The following FRMD3 variants were observed in gnomAD, a reference collection of about 807,000 sequenced individuals.
FRMD3 encodes FERM domain-containing protein 3.
FRMD3 carries 33 observed loss-of-function variants against 70.2 expected under a neutral mutation model. The ratio of observed to expected loss-of-function variants is 0.47; its 90% CI spans 0.36 to 0.63. The LOEUF (loss-of-function observed/expected upper bound fraction) is 0.63, where lower values mean the gene tolerates loss of function less well. Ranked by LOEUF, FRMD3 falls within the 20% of genes least tolerant of loss-of-function variation. The probability of loss-of-function intolerance (pLI) is 0.00; values close to 1 mark genes in which losing one functional copy is unlikely to be tolerated. For synonymous variants in FRMD3, 279 were observed against 255.9 expected (o/e 1.09, Z -0.86); for missense variants, 632 against 711.4 (o/e 0.89, Z 1.27).
At chr9:83,477,285 G>T (rs1342232470) in intron 1 of FRMD3, among the ~76,000 whole-genome samples, 1 of 152,182 alleles carries the variant, frequency 6.6e-6, no homozygotes, top group Non-Finnish European at 1.5e-5. Flanking sequence ...AGAGATGCAA[G>T]AAATGATTCG....
chr9:83,292,772 C>T (rs1045912819), intron 12 of FRMD3, among the ~76,000 whole-genome samples: 1 of 152,122 alleles, frequency 6.6e-6, no homozygotes, highest in African/African-American at 2.4e-5. Context: ...CTCAGCCTCC[C>T]GAGTAGCTGG....
Position 83,299,205 on chromosome 9 carries a change from C to T in FRMD3, c.927-19G>A, listed in dbSNP as rs761305213. Reference sequence around the variant, plus strand: ...TGCATACCTTTAAGAAAAAGCAAAGCACAGGTGGTTAGGACATTGGAAAGT... The same window carrying T: ...TGCATACCTTTAAGAAAAAGCAAAGTACAGGTGGTTAGGACATTGGAAAGT... On this transcript the variant is annotated intron_variant, in intron 10 of 13. Transcript: ENST00000304195. 1 of 1,573,098 alleles carries T rather than the reference C, an allele frequency of 6.4e-7. No individual in the cohort carries two copies. Among genetic ancestry groups the T allele is most frequent in the Admixed American group, 1.7e-5 (1 of 58,598 alleles).
At chr9:83,520,970 C>CA (rs144061788) in intron 1 of FRMD3, among the ~76,000 whole-genome samples, 15,103 of 56,308 alleles carry the variant, frequency 0.27, 1,539 homozygotes, top group African/African-American at 0.36. Flanking sequence ...ACTAAAAATA[C>CA]AAAAAAAAAA....
intron 1 of FRMD3, among the ~76,000 whole-genome samples, chr9:83,489,902 C>T (rs114392150): frequency 2.6e-5 from 4 of 152,256 alleles, no homozygotes; most frequent in East Asian, 1.9e-4. Context: ...TGTTCAGCCT[C>T]GAAGGTCACA....
intron 1 of FRMD3, among the ~76,000 whole-genome samples, chr9:83,411,370 T>G (rs1826273448): frequency 6.6e-6 from 1 of 152,162 alleles, no homozygotes; most frequent in South Asian, 2.1e-4. Context: ...GGAGAGACAA[T>G]AGCTAGAGAG....
chr9:83,570,153 T>C, the FRMD3 span, among the ~76,000 whole-genome samples: 3 of 152,208 alleles, frequency 2.0e-5, no homozygotes, highest in African/African-American at 7.2e-5. Context: ...GTATCTACTG[T>C]ATGTCAGGCA....
chr9:83,288,498 A>G (rs1489371635), intron 13 of FRMD3, among the ~76,000 whole-genome samples: 1 of 152,274 alleles, frequency 6.6e-6, no homozygotes, highest in African/African-American at 2.4e-5. Flanking sequence ...TCTGAACTTT[A>G]AAACCCACAA....
chr9:83,574,019 T>C, the FRMD3 span, among the ~76,000 whole-genome samples: 1 of 152,106 alleles, frequency 6.6e-6, no homozygotes, highest in East Asian at 1.9e-4. Context: ...AAGTATACAT[T>C]CCTTCTCTTT....
chr9:83,427,709 C>A (rs1336174252), intron 1 of FRMD3, among the ~76,000 whole-genome samples: 2 of 139,902 alleles, frequency 1.4e-5, no homozygotes, highest in East Asian at 4.0e-4. Context: ...GTCTTTATAC[C>A]TTTTAAAAAG....
chr9:83,265,212 A>C (rs4418413), intron 13 of FRMD3, among the ~76,000 whole-genome samples: 73 of 151,670 alleles, frequency 4.8e-4, no homozygotes, highest in African/African-American at 1.6e-3. Context: ...CATCCTGGCT[A>C]ACACGGTGAA....
At chr9:83,514,372 C>T (rs1829407427) in intron 1 of FRMD3, among the ~76,000 whole-genome samples, 1 of 152,162 alleles carries the variant, frequency 6.6e-6, no homozygotes, top group Non-Finnish European at 1.5e-5. Flanking sequence ...CAGAGCCCAC[C>T]GAAGCTCAGC....
chr9:83,484,886 A>G (rs1382633130), intron 1 of FRMD3, among the ~76,000 whole-genome samples: 2 of 152,260 alleles, frequency 1.3e-5, no homozygotes, highest in African/African-American at 2.4e-5. Flanking sequence ...TCTTATAGAC[A>G]TATCAGTCTA....
the FRMD3 span, among the ~76,000 whole-genome samples, chr9:83,566,016 T>C: frequency 6.6e-6 from 1 of 152,224 alleles, no homozygotes; most frequent in Non-Finnish European, 1.5e-5. Flanking sequence ...ATGTTAATCT[T>C]GGGGAATCTT....
intron 6 of FRMD3, among the ~76,000 whole-genome samples, chr9:83,320,487 C>T (rs866739402): frequency 2.0e-5 from 3 of 151,878 alleles, no homozygotes; most frequent in Middle Eastern, 3.4e-3. Flanking sequence ...ATCATTGCAT[C>T]CCTGGGATAA....
intron 1 of FRMD3, among the ~76,000 whole-genome samples, chr9:83,426,073 A>G (rs1330713100): frequency 6.6e-6 from 1 of 152,120 alleles, no homozygotes; most frequent in Non-Finnish European, 1.5e-5. Context: ...TCTGGGGCTA[A>G]TTTTAAACCC....
the FRMD3 span, among the ~76,000 whole-genome samples, chr9:83,544,763 A>G: frequency 1.3e-5 from 2 of 152,308 alleles, no homozygotes; most frequent in African/African-American, 2.4e-5. Flanking sequence ...CAACCATACT[A>G]ACGTTATCTA....
rs74733815 is a variant in FRMD3, at chr9:83,377,899, G to T, written c.253-4944C>A. Among the ~76,000 whole-genome samples, 311 of 152,234 alleles carry T rather than the reference G, an allele frequency of 2.0e-3. 1 individual carries two copies. Among genetic ancestry groups the T allele is most frequent in the Middle Eastern group, 6.8e-3 (2 of 294 alleles). On this transcript the variant is annotated intron_variant, in intron 2 of 13. Transcript: ENST00000304195. Reference sequence around the variant, plus strand: ...AAAGACGGCTAATGTCTACTCAGAGGATGAAAGTAGATTTCATGTAAATTA... The same window carrying T: ...AAAGACGGCTAATGTCTACTCAGAGTATGAAAGTAGATTTCATGTAAATTA...
intron 1 of FRMD3, among the ~76,000 whole-genome samples, chr9:83,471,609 G>A (rs1026207971): frequency 2.6e-5 from 4 of 152,150 alleles, no homozygotes; most frequent in African/African-American, 7.2e-5. Flanking sequence ...AGGAAGAACA[G>A]GGACTCATCC....
chr9:83,490,332 C>T (rs781196470), intron 1 of FRMD3, among the ~76,000 whole-genome samples: 16 of 147,282 alleles, frequency 1.1e-4, no homozygotes, highest in Non-Finnish European at 2.2e-4. Context: ...CTTTATTACC[C>T]AGGGTGGAGT....
Sources: allele counts gnomAD v4.1 joint callset (sites outside exome capture counted in the v4.1 genomes callset), GRCh38; gene constraint gnomAD v4.1.1; transcripts MANE v1.5; gene names NCBI Gene and HGNC (gene_info 2026-07-23, HGNC 2026-07-21).